Variants in MYO16 observed in about 807,000 individuals in gnomAD.
MYO16 encodes unconventional myosin-XVI.
MYO16 carries 94 observed loss-of-function variants against 205.3 expected under a neutral mutation model. The ratio of observed to expected loss-of-function variants is 0.46; its 90% CI spans 0.39 to 0.54. MYO16 has a LOEUF of 0.54. Among genes scored for constraint, MYO16 ranks in the 20% least tolerant of loss-of-function variants. MYO16 has a pLI of 0.00. For synonymous variants in MYO16, 988 were observed against 954.0 expected, an observed-to-expected ratio of 1.04 and a Z score of -0.66; for missense variants, 2,315 against 2,387.5, an observed-to-expected ratio of 0.97 and a Z score of 0.63.
At chr13:108,604,795 C>G (rs1387799373) in intron 1 of MYO16, among the ~76,000 whole-genome samples, 1 of 152,176 alleles carries the variant, frequency 6.6e-6, no homozygotes, top group Non-Finnish European at 1.5e-5. Context: ...GTTTTCCTCA[C>G]TACGTTGTCA....
At chr13:108,576,738 T>G in the MYO16 span, among the ~76,000 whole-genome samples, 1 of 152,248 alleles carries the variant, frequency 6.6e-6, no homozygotes, top group Non-Finnish European at 1.5e-5. Flanking sequence ...CCCAGTGAAC[T>G]TTGCAGTGTT....
intron 16 of MYO16, among the ~76,000 whole-genome samples, chr13:108,944,735 A>C (rs1301780214): frequency 1.3e-5 from 2 of 152,332 alleles, no homozygotes; most frequent in Admixed American, 6.5e-5. Context: ...TATACTTTGC[A>C]TGTTTTAAAA....
intron 7 of MYO16, among the ~76,000 whole-genome samples, chr13:108,812,322 CA>C (rs1242076236): frequency 1.3e-5 from 2 of 152,164 alleles, no homozygotes; most frequent in Non-Finnish European, 2.9e-5. Context: ...GAAGTGAATG[CA>C]GGAACATTTG....
chr13:108,497,630 T>C, the MYO16 span, among the ~76,000 whole-genome samples: 1 of 152,348 alleles, frequency 6.6e-6, no homozygotes, highest in South Asian at 2.1e-4. Context: ...ATCTGTGTAC[T>C]ATGAGAATTG....
rs147978601 is a variant in MYO16, at chr13:108,891,097, G to A, written c.1659+2620G>A. Among the ~76,000 whole-genome samples, 61 of 152,308 alleles carry A rather than the reference G, an allele frequency of 4.0e-4. 1 individual carries two copies. The East Asian group carries it at 7.9e-3, about 20-fold the overall frequency. On this transcript the variant is annotated intron_variant, in intron 14 of 34. Coordinates refer to ENST00000457511, the MANE Select transcript of MYO16 (RefSeq NM_001198950.3). ...ATATACTAAAATAAGTATCGTGACC[G>A]TATAGGAGAAACATTTCATTACCCC...
At chr13:108,899,849 A>G (rs2139208523) in intron 15 of MYO16, among the ~76,000 whole-genome samples, 1 of 152,352 alleles carries the variant, frequency 6.6e-6, no homozygotes, top group East Asian at 1.9e-4. Flanking sequence ...GCACTGCGTC[A>G]TCACTTGGGA....
chr13:108,792,244 CAATATT>C, intron 5 of MYO16, among the ~76,000 whole-genome samples: 1 of 152,096 alleles, frequency 6.6e-6, no homozygotes, highest in African/African-American at 2.4e-5. Flanking sequence ...ATTCCGCACT[CAATATT>C]AGTTATCTTT....
At chr13:108,911,134 T>C (rs9555532) in intron 16 of MYO16, among the ~76,000 whole-genome samples, 26,544 of 151,578 alleles carry the variant, frequency 0.18, 2,676 homozygotes, top group East Asian at 0.49. Flanking sequence ...CAAGTGCTTA[T>C]TGAGAGAACA....
intron 9 of MYO16, among the ~76,000 whole-genome samples, chr13:108,833,364 T>A (rs957023591): frequency 6.6e-6 from 1 of 152,130 alleles, no homozygotes; most frequent in Admixed American, 6.5e-5. Context: ...TGGATCTTTA[T>A]CTTATTTTAT....
At chr13:108,809,766 G>A (rs1343440222) in intron 7 of MYO16, among the ~76,000 whole-genome samples, 2 of 152,168 alleles carry the variant, frequency 1.3e-5, no homozygotes, top group African/African-American at 2.4e-5. Context: ...CAGGCATTAT[G>A]CCAGCTTTGT....
intron 1 of MYO16, among the ~76,000 whole-genome samples, chr13:108,602,328 G>A (rs1878796506): frequency 6.6e-6 from 1 of 152,082 alleles, no homozygotes; most frequent in Non-Finnish European, 1.5e-5. Context: ...TAGACCTCTT[G>A]CACCTTTGGT....
the MYO16 span, among the ~76,000 whole-genome samples, chr13:108,567,187 C>T: frequency 2.0e-5 from 3 of 151,696 alleles, no homozygotes; most frequent in South Asian, 2.1e-4. Flanking sequence ...AGTTTAGCCT[C>T]GGAGATAACG....
intron 1 of MYO16, among the ~76,000 whole-genome samples, chr13:108,620,752 G>T (rs567319842): frequency 3.3e-5 from 5 of 152,142 alleles, no homozygotes; most frequent in African/African-American, 4.8e-5. Context: ...CCAGTTCCTC[G>T]CCCTTGGGGG....
intron 2 of MYO16, among the ~76,000 whole-genome samples, chr13:108,695,813 C>T (rs1033751604): frequency 1.3e-5 from 2 of 152,040 alleles, no homozygotes; most frequent in African/African-American, 4.8e-5. Flanking sequence ...CATCATATAA[C>T]CACCACTGAG....
At chr13:108,814,082 T>C (rs1887375763) in intron 7 of MYO16, among the ~76,000 whole-genome samples, 1 of 152,328 alleles carries the variant, frequency 6.6e-6, no homozygotes, top group African/African-American at 2.4e-5. Context: ...AAGATTTTCT[T>C]GTGGGAAACA....
At position 109,035,144 on chromosome 13, in the gene MYO16, G is replaced by T. The variant is rs74119807; in HGVS notation, c.2797-11772G>T. Reference sequence around the variant, plus strand: ...CAACACCATATATGGCATATATAGCGTACCACAATAACCAGGGATTTTTGA... The same window carrying T: ...CAACACCATATATGGCATATATAGCTTACCACAATAACCAGGGATTTTTGA... On this transcript the variant is annotated intron_variant, in intron 23 of 34. Coordinates refer to ENST00000457511, the MANE Select transcript of MYO16 (RefSeq NM_001198950.3). Among the ~76,000 whole-genome samples the T allele has an allele frequency of 1.5e-4, 21 of 143,814 alleles. No individual in the cohort carries two copies. The East Asian group carries it at 5.2e-3, about 35-fold the overall frequency. The allele number at this position is 143,814 out of a possible 152,430, so 94.3% of individuals were successfully genotyped here. A position where few individuals can be genotyped will look rare whatever the true frequency, so the allele number is the denominator to read the frequency against.
At chr13:108,713,599 G>A (rs987037661) in intron 3 of MYO16, among the ~76,000 whole-genome samples, 3 of 152,160 alleles carry the variant, frequency 2.0e-5, no homozygotes, top group East Asian at 1.9e-4. Context: ...TAGCTTGACC[G>A]CTGGGAGTTG....
chr13:108,803,286 G>A (rs886574238), intron 6 of MYO16, among the ~76,000 whole-genome samples: 1 of 152,130 alleles, frequency 6.6e-6, no homozygotes, highest in African/African-American at 2.4e-5. Flanking sequence ...TGAAAACAAT[G>A]ATAGTGCTAC....
chr13:108,520,785 A>G, the MYO16 span, among the ~76,000 whole-genome samples: 2 of 152,174 alleles, frequency 1.3e-5, no homozygotes, highest in African/African-American at 4.8e-5. Context: ...ATCACATTGA[A>G]CTAAATTCCC....
Sources: gnomAD v4.1 joint callset for allele counts (sites outside exome capture counted in the v4.1 genomes callset) on GRCh38, gnomAD v4.1.1 for gene constraint, MANE v1.5 for transcripts, NCBI Gene and HGNC (gene_info 2026-07-23, HGNC 2026-07-21) for gene names.